The following CEP135 variants were observed in gnomAD, a reference collection of about 807,000 sequenced individuals.
CEP135 encodes centrosomal protein of 135 kDa.
A neutral mutation model predicts 157.3 loss-of-function variants in CEP135; 142 were observed. That is an observed-to-expected ratio of 0.90 (90% CI 0.79 to 1.04). CEP135 has a LOEUF of 1.04. Ranked by LOEUF, CEP135 falls within the 50% of genes least tolerant of loss-of-function variation. CEP135 has a pLI of 0.00. For synonymous variants in CEP135, 396 were observed against 439.8 expected, an observed-to-expected ratio of 0.90 and a Z score of 1.25; for missense variants, 1,317 against 1,309.2, an observed-to-expected ratio of 1.01 and a Z score of -0.09.
chr4:55,993,578 G>C (rs979051072), intron 15 of CEP135, among the ~76,000 whole-genome samples: 10 of 152,142 alleles, frequency 6.6e-5, no homozygotes, highest in Non-Finnish European at 1.5e-4. Context: ...ATCTCCTCTG[G>C]CTCATGTCTG....
At chr4:56,027,794 A>G (rs753248530) in intron 25 of CEP135, among the ~76,000 whole-genome samples, 6 of 152,064 alleles carry the variant, frequency 3.9e-5, no homozygotes, top group Non-Finnish European at 7.4e-5. Context: ...AGCTCAAGCA[A>G]TCCTCCCGCC....
intron 25 of CEP135, among the ~76,000 whole-genome samples, chr4:56,025,599 A>G (rs1219413969): frequency 6.6e-6 from 1 of 152,180 alleles, no homozygotes; most frequent in African/African-American, 2.4e-5. Context: ...CGTGAACGTC[A>G]GTCCTCCTGT....
chr4:55,977,484 A>G (rs1001170950), intron 11 of CEP135, among the ~76,000 whole-genome samples: 4 of 152,126 alleles, frequency 2.6e-5, no homozygotes, highest in Non-Finnish European at 5.9e-5. Context: ...TGTTTTCCTC[A>G]TTTGCAGAGT....
At position 56,005,329 on chromosome 4, in the gene CEP135, G is replaced by A. The variant is rs1010298820; in HGVS notation, c.2281-2998G>A. ...AGTCCCAGATATTCAGGAGCCTGAG[G>A]CAGGAGGATCACTTGAGCCCAGGAG... On this transcript the variant is annotated intron_variant, in intron 17 of 25. Coordinates refer to ENST00000257287, the MANE Select transcript of CEP135 (RefSeq NM_025009.5). Among the ~76,000 whole-genome samples the A allele has an allele frequency of 5.9e-5, 9 of 152,090 alleles. No individual in the cohort carries two copies. The East Asian group carries it at 7.7e-4, about 13-fold the overall frequency.
chr4:55,993,010 G>T (rs1197372359), intron 15 of CEP135, among the ~76,000 whole-genome samples: 1 of 152,104 alleles, frequency 6.6e-6, no homozygotes, highest in East Asian at 1.9e-4. Flanking sequence ...TCAAATGTCA[G>T]CAAGACATTA....
At chr4:56,029,532 A>C (rs927556769) in intron 25 of CEP135, among the ~76,000 whole-genome samples, 1 of 152,212 alleles carries the variant, frequency 6.6e-6, no homozygotes, top group African/African-American at 2.4e-5. Context: ...ATATACAGTC[A>C]TGCATTGCTT....
Position 55,965,689 on chromosome 4 carries a change from C to A in CEP135, c.874C>A (p.Arg292=). ...TAATAAAGACCTGGAGAAGCGTATA[C>A]GAGAGCTTATGGAAACCAAGGAAAC... is the stretch of plus-strand genomic sequence containing the variant. ...QANKDLEKRI[R]ELMETKETVT... The change falls in exon 8 of 26, where the codon CGA becomes AGA. Residue 292 remains arginine (R), a synonymous_variant. Coordinates refer to ENST00000257287, the MANE Select transcript of CEP135 (RefSeq NM_025009.5). 1.2e-6 allele frequency: 2 copies of A among 1,613,640 alleles called. No homozygotes were observed. The highest frequency in any genetic ancestry group is 1.7e-6 in the Non-Finnish European group (2 of 1,179,862).
At chr4:56,028,870 G>C (rs1328086777) in intron 25 of CEP135, among the ~76,000 whole-genome samples, 4 of 152,056 alleles carry the variant, frequency 2.6e-5, no homozygotes, top group Non-Finnish European at 5.9e-5. Flanking sequence ...GACATTATCT[G>C]CCTGGAGATA....
In CEP135 at chr4:56,013,795, T is replaced by G. The variant is rs980355203; in HGVS notation, c.2802+1810T>G. Among the ~76,000 whole-genome samples, 4 of 152,196 alleles carry G rather than the reference T, an allele frequency of 2.6e-5. No individual in the cohort carries two copies. In the East Asian group the frequency reaches 7.7e-4, roughly 29 times the overall value. Reference sequence around the variant, plus strand: ...ATCTGTAGCAGATAGAATTATAGCCTCCAGAAAGATATATTGAGCCCCAGT... The same window carrying G: ...ATCTGTAGCAGATAGAATTATAGCCGCCAGAAAGATATATTGAGCCCCAGT... On this transcript the variant is annotated intron_variant, in intron 21 of 25. Transcript: ENST00000257287.
At chr4:55,995,989 C>T (rs1729957396) in intron 15 of CEP135, among the ~76,000 whole-genome samples, 1 of 152,158 alleles carries the variant, frequency 6.6e-6, no homozygotes, top group Non-Finnish European at 1.5e-5. Flanking sequence ...GCAGATTTTC[C>T]TGGAAATGAC....
intron 10 of CEP135, among the ~76,000 whole-genome samples, chr4:55,973,029 G>GA (rs914188463): frequency 1.6e-4 from 24 of 147,142 alleles, no homozygotes; most frequent in Middle Eastern, 3.5e-3. Context: ...GAAACTGTGT[G>GA]AAAAAAAAAA....
Position 55,952,155 on chromosome 4 carries a change from T to G in CEP135, c.25T>G (p.Tyr9Asp). The G allele has an allele frequency of 6.2e-7, 1 of 1,609,866 alleles. No individual in the cohort carries two copies. The change falls in exon 2 of 26, where the codon TAT (tyrosine) becomes GAT (aspartate). Residue 9 changes from tyrosine to aspartate, a missense_variant. By Grantham distance (160) the Tyr-to-Asp change is radical. Coordinates refer to ENST00000257287, the MANE Select transcript of CEP135 (RefSeq NM_025009.5). The stretch of plus-strand genomic sequence containing the variant: ...GATGACTACAGCTGTAGAGAGAAAG[T>G]ATATTAATATTAGGAAAAGGCTGGA... MTTAVERK[Y>D]INIRKRLDQL...
chr4:55,963,685 G>T (rs1728753227), intron 6 of CEP135, among the ~76,000 whole-genome samples: 1 of 152,226 alleles, frequency 6.6e-6, no homozygotes, highest in African/African-American at 2.4e-5. Context: ...GGCAGAGGTT[G>T]CAGTGACCCG....
chr4:56,010,402 C>CA (rs111484022), intron 19 of CEP135, among the ~76,000 whole-genome samples: 1,655 of 143,158 alleles, frequency 0.012, 20 homozygotes, highest in African/African-American at 0.03. Flanking sequence ...GAGACTCTGT[C>CA]AAAAAAAAAA....
In CEP135 at chr4:56,031,446, A is replaced by G. The variant is rs915905008; in HGVS notation, c.*98A>G. On this transcript the variant is annotated 3_prime_UTR_variant, in exon 26 of 26. Coordinates refer to ENST00000257287, the MANE Select transcript of CEP135 (RefSeq NM_025009.5). ...TTTGAAGTACTTGTTGCTGAAAATC[A>G]TGAACATGGACACAAATTCTACCTC... 1 of 152,656 alleles carries G rather than the reference A, an allele frequency of 6.6e-6. No individual in the cohort carries two copies. Among genetic ancestry groups the G allele is most frequent in the African/African-American group, 2.4e-5 (1 of 41,470 alleles). 9.5% of individuals were successfully genotyped at this position (152,656 alleles called of 1,614,324 possible). A position where few individuals can be genotyped will look rare whatever the true frequency, so the allele number is the denominator to read the frequency against.
intron 8 of CEP135, chr4:55,966,495 G>C (rs1728848721): frequency 6.6e-6 from 1 of 152,116 alleles, no homozygotes; most frequent in African/African-American, 2.4e-5. Flanking sequence ...CTCGGCTTGT[G>C]TTTTTTGAGA....
At chr4:55,949,777 G>A (rs1172478621) in intron 1 of CEP135, among the ~76,000 whole-genome samples, 1 of 152,228 alleles carries the variant, frequency 6.6e-6, no homozygotes, top group African/African-American at 2.4e-5. Context: ...TTTGGATGGG[G>A]GTTATGGGGA....
Position 55,975,455 on chromosome 4 carries a change from G to A in CEP135, c.1473+486G>A, listed in dbSNP as rs534549686. Among the ~76,000 whole-genome samples, 31 of 152,310 alleles carry A rather than the reference G, an allele frequency of 2.0e-4. No homozygotes were observed. The South Asian group carries it at 6.4e-3, about 32-fold the overall frequency. ...AGATAGATAGAAATGGCAAGTGAGT[G>A]CTGGGGAGATTGTTTTGTTTGTCCA... On this transcript the variant is annotated intron_variant, in intron 11 of 25. Transcript: ENST00000257287.
chr4:55,984,965 G>A (rs1380722847), intron 13 of CEP135, among the ~76,000 whole-genome samples: 4 of 151,984 alleles, frequency 2.6e-5, no homozygotes, highest in African/African-American at 9.7e-5. Flanking sequence ...TTAACCTGCT[G>A]GTTTTGTCCT....
Sources: gnomAD v4.1 joint callset for allele counts (sites outside exome capture counted in the v4.1 genomes callset) on GRCh38, gnomAD v4.1.1 for gene constraint, MANE v1.5 for transcripts, NCBI Gene and HGNC (gene_info 2026-07-23, HGNC 2026-07-21) for gene names.